NWD2: variants seen among roughly 807,000 people sequenced by gnomAD.
The protein encoded by NWD2 is NACHT and WD repeat domain-containing protein 2.
In NWD2, 37 loss-of-function variants were observed where a neutral mutation model predicts 132.7. The ratio of observed to expected loss-of-function variants is 0.28; its 90% CI spans 0.21 to 0.37. The LOEUF (loss-of-function observed/expected upper bound fraction) is 0.37, where lower values mean the gene tolerates loss of function less well. Among genes scored for constraint, NWD2 ranks in the 10% least tolerant of loss-of-function variants. NWD2 has a pLI of 1.00. For missense variants in NWD2, 1,592 were observed against 2,122.4 expected (o/e 0.75, Z 4.91); for synonymous variants, 705 against 803.0 (o/e 0.88, Z 2.06).
intron 3 of NWD2, among the ~76,000 whole-genome samples, chr4:37,427,150 C>T (rs1018338257): frequency 6.6e-6 from 1 of 151,960 alleles, no homozygotes; most frequent in Admixed American, 6.6e-5. Context: ...CCACCAATGA[C>T]CAAACTCCAT....
At chr4:37,315,671 C>A (rs1301232436) in intron 1 of NWD2, among the ~76,000 whole-genome samples, 2 of 151,868 alleles carry the variant, frequency 1.3e-5, no homozygotes, top group Admixed American at 6.6e-5. Flanking sequence ...AATATTTATT[C>A]CATTTTTATT....
At chr4:37,343,159 A>G (rs1372150349) in intron 2 of NWD2, among the ~76,000 whole-genome samples, 12 of 152,228 alleles carry the variant, frequency 7.9e-5, no homozygotes, top group Admixed American at 7.9e-4. Context: ...GTATCTGACA[A>G]CGCTAATCTG....
chr4:37,399,163 A>T (rs1560412785), intron 3 of NWD2, among the ~76,000 whole-genome samples: 1 of 152,212 alleles, frequency 6.6e-6, no homozygotes, highest in Non-Finnish European at 1.5e-5. Flanking sequence ...ATGAAGGTCA[A>T]TGCTTATGGC....
chr4:37,366,132 G>T (rs1435830246), intron 3 of NWD2, among the ~76,000 whole-genome samples: 1 of 152,108 alleles, frequency 6.6e-6, no homozygotes. Context: ...CTCCATGAAT[G>T]CTCAATGCTG....
At chr4:37,433,246 C>T (rs1006151891) in intron 4 of NWD2, among the ~76,000 whole-genome samples, 12 of 152,112 alleles carry the variant, frequency 7.9e-5, no homozygotes, top group Non-Finnish European at 1.8e-4. Context: ...CCCCAAGAAA[C>T]CAGTTTCTAC....
At position 37,439,453 on chromosome 4, in the gene NWD2, T is replaced by A; in HGVS notation, c.1296+63T>A. On this transcript the variant is annotated intron_variant, in intron 6 of 6. Coordinates refer to ENST00000309447, the MANE Select transcript of NWD2 (RefSeq NM_001144990.2). The surrounding 1 kb of genome is among the most constrained non-coding windows in gnomAD (Gnocchi z 4.5). ...CTTGTACTTTTGGAAAATGGTAAATTAATCAAATTCATTTCTACTTTCTGA... is the reference window on the plus strand; with the variant it reads ...CTTGTACTTTTGGAAAATGGTAAATAAATCAAATTCATTTCTACTTTCTGA... 9.0e-7 allele frequency: 1 copy of A among 1,108,616 alleles called. No individual in the cohort carries two copies. The highest frequency in any genetic ancestry group is 1.2e-6 in the Non-Finnish European group (1 of 805,378). The allele number at this position is 1,108,616 out of a possible 1,614,324, so 68.7% of individuals were successfully genotyped here.
chr4:37,438,604 T>C (rs1376098606), intron 5 of NWD2, among the ~76,000 whole-genome samples, 197 bp from the exon 6 acceptor site: 1 of 152,238 alleles, frequency 6.6e-6, no homozygotes, highest in East Asian at 1.9e-4. Flanking sequence ...GATAATTTTA[T>C]GTAAAACCTG....
chr4:37,417,797 A>G (rs1341378166), intron 3 of NWD2, among the ~76,000 whole-genome samples: 7 of 152,172 alleles, frequency 4.6e-5, no homozygotes, highest in Non-Finnish European at 8.8e-5. Flanking sequence ...CAGATCAGCA[A>G]CAGGAGGAGG....
chr4:37,397,567 G>A (rs1720822881), intron 3 of NWD2, among the ~76,000 whole-genome samples: 1 of 152,126 alleles, frequency 6.6e-6, no homozygotes, highest in South Asian at 2.1e-4. Context: ...CCGCCAGCCT[G>A]CCCTGCAGAG....
chr4:37,313,899 T>G lies in NWD2; in HGVS notation c.152-12037T>G, dbSNP rs974080321. Among the ~76,000 whole-genome samples the G allele has an allele frequency of 4.6e-5, 7 of 151,050 alleles. 1 individual carries two copies. The highest frequency in any genetic ancestry group is 1.7e-4 in the African/African-American group (7 of 40,402). On this transcript the variant is annotated intron_variant, in intron 1 of 6. Coordinates refer to ENST00000309447, the MANE Select transcript of NWD2 (RefSeq NM_001144990.2). ...TTTTAGTAGAGACAGGATTTCACCATGTTGGCCAGGCTGGTCTCGATCTCC... is the reference window on the plus strand; with the variant it reads ...TTTTAGTAGAGACAGGATTTCACCAGGTTGGCCAGGCTGGTCTCGATCTCC...
At chr4:37,387,519 AATATATATGAGCC>A (rs1213151658) in intron 3 of NWD2, among the ~76,000 whole-genome samples, 1 of 151,414 alleles carries the variant, frequency 6.6e-6, no homozygotes, top group Non-Finnish European at 1.5e-5. Context: ...CCCTCTCTTA[AATATATATGAGCC>A]ATCTGCTTGT....
Position 37,439,396 on chromosome 4 carries a change from A to T in NWD2, c.1296+6A>T, listed in dbSNP as rs1712420830. On this transcript the variant is annotated splice_donor_region_variant and intron_variant, in intron 6 of 6. Transcript: ENST00000309447. The surrounding 1 kb of genome is among the most constrained non-coding windows in gnomAD (Gnocchi z 4.5). ...TAGCTGAAGTAGCAAAGAAGGTAAAAGCCTATTCTTTCCCGTGTATATTTG... is the reference window on the plus strand; with the variant it reads ...TAGCTGAAGTAGCAAAGAAGGTAAATGCCTATTCTTTCCCGTGTATATTTG... The T allele has an allele frequency of 2.1e-6, 3 of 1,427,908 alleles. No homozygotes were observed. Among genetic ancestry groups the T allele is most frequent in the Non-Finnish European group, 2.8e-6 (3 of 1,080,826 alleles). 88.5% of individuals were successfully genotyped at this position (1,427,908 alleles called of 1,614,324 possible). A position where few individuals can be genotyped will look rare whatever the true frequency, so the allele number is the denominator to read the frequency against.
At chr4:37,253,054 A>G (rs1219047363) in intron 1 of NWD2, among the ~76,000 whole-genome samples, 1 of 146,422 alleles carries the variant, frequency 6.8e-6, no homozygotes, top group East Asian at 2.2e-4. Flanking sequence ...TTATAATTAG[A>G]TTATGTGAGA....
At chr4:37,426,546 AATT>A (rs1227509030) in intron 3 of NWD2, among the ~76,000 whole-genome samples, 1 of 152,198 alleles carries the variant, frequency 6.6e-6, no homozygotes, top group Non-Finnish European at 1.5e-5. Flanking sequence ...AACTGAAAGA[AATT>A]ATTATTTTTA....
chr4:37,262,815 G>A lies in NWD2; in HGVS notation c.151+17597G>A, dbSNP rs544799181. Reference sequence around the variant, plus strand: ...TGGGAAGACAGAAAATCCTCTCTGAGGTTGCAGAGGGTAGAGTCCAGCTTG... The same window carrying A: ...TGGGAAGACAGAAAATCCTCTCTGAAGTTGCAGAGGGTAGAGTCCAGCTTG... On this transcript the variant is annotated intron_variant, in intron 1 of 6. Coordinates refer to ENST00000309447, the MANE Select transcript of NWD2 (RefSeq NM_001144990.2). Among the ~76,000 whole-genome samples the A allele has an allele frequency of 7.9e-5, 12 of 152,284 alleles. No homozygotes were observed. In the East Asian group the frequency reaches 1.9e-3, roughly 24 times the overall value.
intron 2 of NWD2, among the ~76,000 whole-genome samples, chr4:37,341,129 A>T (rs1246619461): frequency 2.0e-5 from 3 of 152,246 alleles, no homozygotes; most frequent in Admixed American, 6.5e-5. Flanking sequence ...AAGTACCTGT[A>T]CAACCATTCT....
chr4:37,303,700 A>G (rs985778746), intron 1 of NWD2, among the ~76,000 whole-genome samples: 2 of 152,066 alleles, frequency 1.3e-5, no homozygotes, highest in African/African-American at 2.4e-5. Flanking sequence ...TTTTGTTACA[A>G]TTACAAATGC....
chr4:37,383,422 A>T (rs1720495625), intron 3 of NWD2, among the ~76,000 whole-genome samples: 1 of 152,226 alleles, frequency 6.6e-6, no homozygotes, highest in Non-Finnish European at 1.5e-5. Context: ...CTTTCTCTAG[A>T]TTGGAGAATC....
intron 3 of NWD2, among the ~76,000 whole-genome samples, chr4:37,368,412 A>G (rs906198210): frequency 6.6e-6 from 1 of 152,180 alleles, no homozygotes; most frequent in Non-Finnish European, 1.5e-5. Context: ...ACAACAAGCA[A>G]GTTTCTATAG....
Sources: allele counts gnomAD v4.1 joint callset (sites outside exome capture counted in the v4.1 genomes callset), GRCh38; gene constraint gnomAD v4.1.1; non-coding constraint Gnocchi (gnomAD v3.1); transcripts MANE v1.5; gene names NCBI Gene and HGNC (gene_info 2026-07-23, HGNC 2026-07-21).